Variants in ANO4 observed in about 807,000 individuals in gnomAD.
The protein encoded by ANO4 is anoctamin-4.
Under a neutral mutation model 141.9 loss-of-function variants are expected in ANO4, and 69 were observed. The ratio of observed to expected loss-of-function variants is 0.49; its 90% CI spans 0.40 to 0.59. The LOEUF (loss-of-function observed/expected upper bound fraction) is 0.59. Among genes scored for constraint, ANO4 ranks in the 20% least tolerant of loss-of-function variants. The probability of loss-of-function intolerance (pLI) is 0.00; values close to 1 mark genes in which losing one functional copy is unlikely to be tolerated. For missense variants in ANO4, 894 were observed against 1,162.2 expected, an observed-to-expected ratio of 0.77 and a Z score of 3.36; for synonymous variants, 350 against 394.3, an observed-to-expected ratio of 0.89 and a Z score of 1.33.
At chr12:100,966,784 TACACACACATGTATATATATACAC>T (rs2043673300) in intron 5 of ANO4, among the ~76,000 whole-genome samples, 1 of 151,528 alleles carries the variant, frequency 6.6e-6, no homozygotes, top group African/African-American at 2.4e-5. Context: ...ACTATATATA[TACACACACATGTATATATATACAC>T]ACACACACAT....
chr12:100,880,595 C>T (rs978670037), intron 1 of ANO4, among the ~76,000 whole-genome samples: 1 of 152,192 alleles, frequency 6.6e-6, no homozygotes, highest in Non-Finnish European at 1.5e-5. Flanking sequence ...ATTAGAACTT[C>T]ATTCTCACTT....
At chr12:101,002,395 C>T (rs1272503036) in intron 8 of ANO4, among the ~76,000 whole-genome samples, 1 of 152,182 alleles carries the variant, frequency 6.6e-6, no homozygotes, top group Non-Finnish European at 1.5e-5. Flanking sequence ...ACATTGCTTC[C>T]TTGCTTAACA....
At chr12:100,800,338 T>C (rs2034605367) in intron 1 of ANO4, among the ~76,000 whole-genome samples, 1 of 152,190 alleles carries the variant, frequency 6.6e-6, no homozygotes, top group African/African-American at 2.4e-5. Context: ...GCCAGACACA[T>C]CCACTCCTCT....
intron 14 of ANO4, among the ~76,000 whole-genome samples, chr12:101,049,295 A>C (rs1162740371): frequency 6.6e-6 from 1 of 152,160 alleles, no homozygotes; most frequent in Non-Finnish European, 1.5e-5. Flanking sequence ...GTCTGCTATG[A>C]ATATTGGAAT....
At chr12:101,069,668 G>T (rs2048730871) in intron 14 of ANO4, among the ~76,000 whole-genome samples, 1 of 152,086 alleles carries the variant, frequency 6.6e-6, no homozygotes, top group African/African-American at 2.4e-5. Context: ...CTGAAGGTGG[G>T]GTTTGTGTTT....
intron 8 of ANO4, 138 bp downstream of exon 8, chr12:100,987,808 C>T (rs1470058277): frequency 1.6e-6 from 2 of 1,225,882 alleles, no homozygotes; most frequent in Non-Finnish European, 2.2e-6. Flanking sequence ...TGTGAGTGTT[C>T]ATATCCCTTT....
At chr12:100,879,072 GT>G (rs2039447064) in intron 1 of ANO4, among the ~76,000 whole-genome samples, 1 of 152,170 alleles carries the variant, frequency 6.6e-6, no homozygotes, top group African/African-American at 2.4e-5. Context: ...AGGAAAGAGT[GT>G]TAAATGAATA....
At chr12:101,095,359 G>C (rs1054341138) in intron 18 of ANO4, among the ~76,000 whole-genome samples, 1 of 152,176 alleles carries the variant, frequency 6.6e-6, no homozygotes, top group African/African-American at 2.4e-5. Flanking sequence ...GTGGTAGCTT[G>C]ATCCAGGCTA....
intron 8 of ANO4, among the ~76,000 whole-genome samples, chr12:101,011,325 T>TC (rs2046083282): frequency 6.6e-6 from 1 of 150,948 alleles, no homozygotes; most frequent in Admixed American, 6.6e-5. Flanking sequence ...TTTCTTTTTT[T>TC]TTTTTTTTTT....
chr12:101,014,602 CA>C (rs1488791246), intron 8 of ANO4, among the ~76,000 whole-genome samples: 1 of 152,138 alleles, frequency 6.6e-6, no homozygotes, highest in Admixed American at 6.5e-5. Context: ...TGGAGCAAAA[CA>C]GATGTTTTCT....
At chr12:100,762,207 T>C (rs1008151640) in intron 3 of ANO4, among the ~76,000 whole-genome samples, 1 of 152,216 alleles carries the variant, frequency 6.6e-6, no homozygotes. Flanking sequence ...ACCCAGTAAC[T>C]AACCCACCAG....
At chr12:100,739,938 A>C (rs1279533934) in exon 3 of ANO4, 2 of 702,474 alleles carry the variant, frequency 2.8e-6, no homozygotes, top group Non-Finnish European at 5.2e-6. Flanking sequence ...CTCCCATCAG[A>C]TCTGCCTCTC....
intron 1 of ANO4, among the ~76,000 whole-genome samples, chr12:100,879,994 T>C (rs1328664857): frequency 6.6e-6 from 1 of 152,132 alleles, no homozygotes; most frequent in African/African-American, 2.4e-5. Flanking sequence ...TTTGTTAAAG[T>C]GGACCAGGGT....
In ANO4 at chr12:101,043,631, C is replaced by A; in HGVS notation, c.1247C>A (p.Ala416Asp). 1 of 1,605,366 alleles carries A rather than the reference C, an allele frequency of 6.2e-7. No individual in the cohort carries two copies. Among genetic ancestry groups the A allele is most frequent in the Non-Finnish European group, 8.5e-7 (1 of 1,172,460 alleles). Reference protein sequence around the residue: ...FMRLSDSCVYAKVTHLFDNGA... With the variant: ...FMRLSDSCVYDKVTHLFDNGA... ...AGGCTGTCAGACAGCTGTGTATATG[C>A]CAAGGTAATTTCAAACTGTAGCATT... Residue 416 changes from alanine to aspartate, a missense_variant, in exon 13 of 28, where the codon GCC (alanine) becomes GAC (aspartate). By Grantham distance (126) the Ala-to-Asp change is moderately radical (BLOSUM62 -2). Around this residue, in one of 2 missense-constraint regions of ANO4, gnomAD observed 637 missense variants for 909.2 expected, o/e 0.70. Coordinates refer to ENST00000392977, the MANE Select transcript of ANO4 (RefSeq NM_001286615.2).
At chr12:100,866,507 C>T (rs1314490965) in intron 1 of ANO4, among the ~76,000 whole-genome samples, 2 of 152,154 alleles carry the variant, frequency 1.3e-5, no homozygotes, top group Non-Finnish European at 2.9e-5. Context: ...TGGTTCCAAG[C>T]ATGGTCCTCA....
At chr12:101,052,950 C>G (rs1236993975) in intron 14 of ANO4, among the ~76,000 whole-genome samples, 1 of 152,162 alleles carries the variant, frequency 6.6e-6, no homozygotes, top group Non-Finnish European at 1.5e-5. Flanking sequence ...GGAGCCTAAA[C>G]TTTAAACCAG....
chr12:101,069,061 C>T, intron 14 of ANO4: 3 of 911,370 alleles, frequency 3.3e-6, no homozygotes, highest in Non-Finnish European at 5.5e-6. Context: ...AGGAGTGCTG[C>T]CAGAAATTTG....
At chr12:101,047,412 G>A (rs929738410) in intron 13 of ANO4, among the ~76,000 whole-genome samples, 168 of 152,282 alleles carry the variant, frequency 1.1e-3, no homozygotes, top group African/African-American at 4.0e-3. Flanking sequence ...TTGTCTCACA[G>A]TAGGTATTTG....
chr12:101,029,301 A>C (rs12298944), intron 9 of ANO4, among the ~76,000 whole-genome samples: 22,637 of 152,180 alleles, frequency 0.15, 1,885 homozygotes, highest in Admixed American at 0.21. Context: ...AGATAGCATC[A>C]TGATGACAGG....
Sources: gnomAD v4.1 joint callset for allele counts (sites outside exome capture counted in the v4.1 genomes callset) on GRCh38, gnomAD v4.1.1 for gene constraint, gnomAD v4.1.1 regional missense constraint, MANE v1.5 for transcripts, NCBI Gene and HGNC (gene_info 2026-07-23, HGNC 2026-07-21) for gene names.